Variants in QTGAL observed in about 807,000 individuals in gnomAD.
QTGAL encodes BGnT-like protein 1.
chr17:82,958,926 T>TGTGTGTGTACACTGGGGGTGTATG, the QTGAL span, among the ~76,000 whole-genome samples: 1 of 11,978 alleles, frequency 8.3e-5, no homozygotes, highest in Non-Finnish European at 1.2e-4. Context: ...GGGTGTATGG[T>TGTGTGTGTACACTGGGGGTGTATG]GTGTGTGTGT....
chr17:83,027,009 G>A, the QTGAL span, among the ~76,000 whole-genome samples: 644 of 94,468 alleles, frequency 6.8e-3, 4 homozygotes, highest in African/African-American at 0.03. Context: ...CACACAGAGC[G>A]GGGCAGGGAG....
chr17:83,048,425 A>G, the QTGAL span: 1 of 1,511,992 alleles, frequency 6.6e-7, no homozygotes. Flanking sequence ...GTAAGTTGAT[A>G]AGAAACCACG....
the QTGAL span, among the ~76,000 whole-genome samples, chr17:83,033,714 A>G: frequency 0.3 from 45,800 of 151,362 alleles, 7,560 homozygotes; most frequent in African/African-American, 0.44. Flanking sequence ...CTCGTGATCC[A>G]CCCGCCTCGG....
the QTGAL span, chr17:82,947,373 TCAGA>T: frequency 1.5e-5 from 3 of 202,640 alleles, no homozygotes; most frequent in African/African-American, 2.3e-5. Context: ...AGGAGGCCCC[TCAGA>T]CAGAAACTGC....
At chr17:83,026,913 A>G in the QTGAL span, among the ~76,000 whole-genome samples, 3 of 101,364 alleles carry the variant, frequency 3.0e-5, no homozygotes, top group African/African-American at 7.2e-5. Context: ...CACACAGAGG[A>G]GGGCAGGGAG....
At chr17:83,039,183 C>T in the QTGAL span, among the ~76,000 whole-genome samples, 2 of 152,146 alleles carry the variant, frequency 1.3e-5, 1 homozygote, top group Admixed American at 1.3e-4. Flanking sequence ...CCTGTTTATG[C>T]CCCTGGCTTT....
the QTGAL span, chr17:82,942,380 AGGGTCCCCTGGCT>A: frequency 9.5e-5 from 153 of 1,609,108 alleles, 1 homozygote; most frequent in South Asian, 1.6e-3. Context: ...CAGAGGGGTG[AGGGTCCCCTGGCT>A]GGGAATGGTG....
At chr17:83,036,962 G>A in the QTGAL span, among the ~76,000 whole-genome samples, 1 of 152,080 alleles carries the variant, frequency 6.6e-6, no homozygotes, top group Non-Finnish European at 1.5e-5. Flanking sequence ...ATCAGAGGTG[G>A]CATTTAGCCC....
chr17:83,033,510 C>T, the QTGAL span, among the ~76,000 whole-genome samples: 2 of 149,120 alleles, frequency 1.3e-5, no homozygotes, highest in Non-Finnish European at 3.0e-5. Flanking sequence ...CCCGCTCTGT[C>T]GCCCAGGCTG....
At chr17:82,991,949 G>T in the QTGAL span, among the ~76,000 whole-genome samples, 2 of 152,090 alleles carry the variant, frequency 1.3e-5, no homozygotes, top group Non-Finnish European at 2.9e-5. Flanking sequence ...TTTAATAGCA[G>T]AATTGATCAA....
the QTGAL span, chr17:82,944,677 G>C: frequency 6.6e-6 from 1 of 152,186 alleles, no homozygotes; most frequent in African/African-American, 2.4e-5. Context: ...GTATCCCTGG[G>C]ACCGGGGAGC....
At chr17:82,987,989 CCCTT>C in the QTGAL span, among the ~76,000 whole-genome samples, 1 of 152,138 alleles carries the variant, frequency 6.6e-6, no homozygotes, top group Non-Finnish European at 1.5e-5. Flanking sequence ...TCCTTCACCT[CCCTT>C]GTTAGCTGTA....
the QTGAL span, among the ~76,000 whole-genome samples, chr17:82,952,418 T>C: frequency 5.9e-5 from 9 of 152,070 alleles, no homozygotes; most frequent in Non-Finnish European, 1.2e-4. Context: ...AATCCTAGTC[T>C]CTGATAAAAC....
chr17:83,008,714 G>A, the QTGAL span, among the ~76,000 whole-genome samples: 1 of 152,222 alleles, frequency 6.6e-6, no homozygotes, highest in African/African-American at 2.4e-5. Flanking sequence ...ACCATGCTGC[G>A]AGGAAGCCTG....
chr17:83,006,036 C>T, the QTGAL span: 4 of 1,027,074 alleles, frequency 3.9e-6, no homozygotes, highest in Admixed American at 5.7e-5. This position sits in a 1 kb window ranked among gnomAD's most constrained non-coding sequence, Gnocchi z 5.8. Context: ...CCGTAGGAAA[C>T]AGCACCCACC....
At chr17:83,007,983 C>T in the QTGAL span, among the ~76,000 whole-genome samples, 1 of 152,252 alleles carries the variant, frequency 6.6e-6, no homozygotes, top group East Asian at 1.9e-4. Context: ...GACAGACCAA[C>T]AGCGCCCAGC....
the QTGAL span, among the ~76,000 whole-genome samples, chr17:83,030,175 GA>G: frequency 6.6e-6 from 1 of 152,176 alleles, no homozygotes; most frequent in African/African-American, 2.4e-5. Flanking sequence ...AATCATAGTG[GA>G]AGTTAGGAAA....
At chr17:82,984,139 C>T in the QTGAL span, among the ~76,000 whole-genome samples, 2,221 of 48,286 alleles carry the variant, frequency 0.046, 28 homozygotes, top group African/African-American at 0.081. Flanking sequence ...CACGTGAGGA[C>T]GTGGGGGAGG....
the QTGAL span, among the ~76,000 whole-genome samples, chr17:82,992,563 T>TA: frequency 6.6e-6 from 1 of 152,168 alleles, no homozygotes; most frequent in South Asian, 2.1e-4. Flanking sequence ...CAAGAAATGC[T>TA]AAAGAGAGTA....
Sources: gnomAD v4.1 joint callset for allele counts (sites outside exome capture counted in the v4.1 genomes callset) on GRCh38, gnomAD v4.1.1 for gene constraint, Gnocchi (gnomAD v3.1) non-coding constraint, MANE v1.5 for transcripts, NCBI Gene and HGNC (gene_info 2026-07-23, HGNC 2026-07-21) for gene names.